Variants in C2orf76 observed in about 807,000 individuals in gnomAD.
C2orf76 encodes chromosome 2 open reading frame 76, also known as UPF0538 protein C2orf76.
In C2orf76, 23 loss-of-function variants were observed where a neutral mutation model predicts 16.9. The ratio of observed to expected loss-of-function variants is 1.36; its 90% CI spans 0.98 to 1.93. C2orf76 has a LOEUF of 1.93. Among genes scored for constraint, C2orf76 ranks in the 30% most tolerant of loss-of-function variants. C2orf76 has a pLI of 0.00. For missense variants in C2orf76, 152 were observed against 152.6 expected (o/e 1.00, Z 0.02); for synonymous variants, 48 against 52.3 (o/e 0.92, Z 0.35).
Position 119,311,524 on chromosome 2 carries a change from G to T in C2orf76, c.304+98C>A, listed in dbSNP as rs935281369. 31 of 1,500,506 alleles carry T rather than the reference G, an allele frequency of 2.1e-5. No homozygotes were observed. In the African/African-American group the frequency reaches 4.0e-4, roughly 19 times the overall value. 92.9% of individuals were successfully genotyped at this position (1,500,506 alleles called of 1,614,324 possible). A position where few individuals can be genotyped will look rare whatever the true frequency, so the allele number is the denominator to read the frequency against. ...GGCAGTGTCAGGGGGACCAAGGACA[G>T]CATTTACTTTCCAGTGAGTTATCCA... On this transcript the variant is annotated intron_variant, in intron 5 of 5. Transcript: ENST00000334816.
intron 3 of C2orf76, among the ~76,000 whole-genome samples, chr2:119,320,177 C>T (rs1423272403): frequency 6.6e-6 from 1 of 152,066 alleles, no homozygotes; most frequent in Non-Finnish European, 1.5e-5. Context: ...TGGAACACAG[C>T]TTTGCACATA....
chr2:119,313,042 A>G (rs1414768466), intron 4 of C2orf76, among the ~76,000 whole-genome samples: 1 of 151,924 alleles, frequency 6.6e-6, no homozygotes, highest in Admixed American at 6.6e-5. Flanking sequence ...AAAAAAAAAA[A>G]AAGTTGCTAT....
chr2:119,366,188 G>GATTCACCCGCTT (rs1680976626), intron 1 of C2orf76, among the ~76,000 whole-genome samples: 1 of 152,104 alleles, frequency 6.6e-6, no homozygotes, highest in African/African-American at 2.4e-5. Flanking sequence ...AGATTGCAGG[G>GATTCACCCGCTT]ATTCACCCGC....
the C2orf76 span, among the ~76,000 whole-genome samples, chr2:119,284,346 A>G: frequency 2.6e-5 from 4 of 152,176 alleles, no homozygotes; most frequent in Non-Finnish European, 4.4e-5. Flanking sequence ...AAGTAGGCTA[A>G]TTTTGCGGAT....
downstream of C2orf76, among the ~76,000 whole-genome samples, chr2:119,302,059 A>T (rs546491329): frequency 1.1e-3 from 164 of 152,306 alleles, no homozygotes; most frequent in Non-Finnish European, 1.9e-3. Context: ...AATTTCTGGT[A>T]GCCACAGACA....
At chr2:119,290,174 CAGCT>C in the C2orf76 span, among the ~76,000 whole-genome samples, 1 of 151,580 alleles carries the variant, frequency 6.6e-6, no homozygotes, top group Non-Finnish European at 1.5e-5. Flanking sequence ...AGCTAAAGGA[CAGCT>C]TCCAAGCCCC....
intron 1 of C2orf76, among the ~76,000 whole-genome samples, chr2:119,358,614 G>A (rs1327377713): frequency 2.7e-5 from 4 of 149,276 alleles, no homozygotes; most frequent in Non-Finnish European, 4.4e-5. Flanking sequence ...ACAGCCTGTC[G>A]CTGATATGGA....
intron 1 of C2orf76, among the ~76,000 whole-genome samples, chr2:119,348,738 T>C (rs1482658606): frequency 1.3e-5 from 2 of 151,272 alleles, no homozygotes; most frequent in Non-Finnish European, 2.9e-5. Context: ...CTCACACTTG[T>C]AATGCCAGCA....
chr2:119,361,852 A>G (rs1279492154), intron 1 of C2orf76, among the ~76,000 whole-genome samples: 1 of 152,206 alleles, frequency 6.6e-6, no homozygotes, highest in African/African-American at 2.4e-5. Flanking sequence ...GTTTTTTTGA[A>G]CAACATTGCC....
the C2orf76 span, among the ~76,000 whole-genome samples, chr2:119,290,090 G>A: frequency 4.0e-5 from 6 of 151,810 alleles, no homozygotes; most frequent in South Asian, 2.1e-4. Flanking sequence ...TAATTCCTGC[G>A]TCCCTGCCCC....
the C2orf76 span, among the ~76,000 whole-genome samples, chr2:119,286,727 G>A: frequency 1.3e-5 from 2 of 152,256 alleles, no homozygotes; most frequent in East Asian, 3.9e-4. Flanking sequence ...GGCTGGACTC[G>A]GTGGATGAGA....
At chr2:119,299,120 G>A (rs547034294), downstream of C2orf76, among the ~76,000 whole-genome samples, 6 of 151,250 alleles carry the variant, frequency 4.0e-5, no homozygotes, top group South Asian at 1.3e-3. Context: ...GTTTCATCCT[G>A]TTGCCCAGGC....
At chr2:119,352,885 C>T (rs1277372664) in intron 1 of C2orf76, among the ~76,000 whole-genome samples, 2 of 152,210 alleles carry the variant, frequency 1.3e-5, no homozygotes, top group East Asian at 3.9e-4. Flanking sequence ...CTTAATTCTC[C>T]TCAAGATTTA....
chr2:119,303,671 T>C (rs1009143645), intron 5 of C2orf76, among the ~76,000 whole-genome samples: 1 of 152,226 alleles, frequency 6.6e-6, no homozygotes, highest in African/African-American at 2.4e-5. Flanking sequence ...GCCATTTCAT[T>C]AAAAATGTTT....
intron 5 of C2orf76, among the ~76,000 whole-genome samples, chr2:119,303,362 C>T (rs1358794469): frequency 1.3e-5 from 2 of 152,188 alleles, no homozygotes; most frequent in African/African-American, 2.4e-5. Flanking sequence ...AGGTGTTGTG[C>T]CAACAAGTTC....
intron 5 of C2orf76, among the ~76,000 whole-genome samples, chr2:119,308,058 C>T (rs1410934366): frequency 6.6e-6 from 1 of 152,216 alleles, no homozygotes; most frequent in African/African-American, 2.4e-5. Flanking sequence ...GGATAAGAGG[C>T]TTACAGAAAG....
At chr2:119,356,458 AAGCACTGTGAAGAGGAAAATGTAT>A (rs1367891375) in intron 1 of C2orf76, among the ~76,000 whole-genome samples, 56 of 152,018 alleles carry the variant, frequency 3.7e-4, no homozygotes, top group African/African-American at 6.8e-4. Flanking sequence ...GACACAGTTA[AAGCACTGTGAAGAGGAAAATGTAT>A]AGCACTGTGA....
chr2:119,342,583 G>C (rs1429797475), intron 1 of C2orf76, among the ~76,000 whole-genome samples: 1 of 151,630 alleles, frequency 6.6e-6, no homozygotes, highest in Non-Finnish European at 1.5e-5. Flanking sequence ...CTGCACTCCA[G>C]CCTGGGTGCC....
intron 1 of C2orf76, among the ~76,000 whole-genome samples, chr2:119,360,960 G>A (rs1285143308): frequency 2.0e-5 from 3 of 152,212 alleles, no homozygotes; most frequent in African/African-American, 7.2e-5. Context: ...GAAAGTTGTG[G>A]TTGCCAGGGG....
Sources: allele counts gnomAD v4.1 joint callset (sites outside exome capture counted in the v4.1 genomes callset), GRCh38; gene constraint gnomAD v4.1.1; transcripts MANE v1.5; gene names NCBI Gene and HGNC (gene_info 2026-07-23, HGNC 2026-07-21).